The following UGT1A9 variants were observed in gnomAD, a reference collection of about 807,000 sequenced individuals.
UGT1A9 encodes UDP glucuronosyltransferase family 1 member A9.
A neutral mutation model predicts 45.0 loss-of-function variants in UGT1A9; 35 were observed. The ratio of observed to expected loss-of-function variants is 0.78; its 90% confidence interval spans 0.59 to 1.03. The LOEUF is 1.03. UGT1A9 is among the 50% of genes least tolerant of loss of function. The probability of loss-of-function intolerance (pLI) is 0.00; values close to 1 mark genes in which losing one functional copy is unlikely to be tolerated. For synonymous variants in UGT1A9, 278 were observed against 250.6 expected (o/e 1.11, Z -1.03); for missense variants, 687 against 666.6 (o/e 1.03, Z -0.34).
chr2:233,760,282 G>A (rs2125981806), intron 1 of UGT1A9: 1 of 1,612,868 alleles, frequency 6.2e-7, no homozygotes, highest in Non-Finnish European at 8.5e-7. Flanking sequence ...CAGGAGCAAA[G>A]GCGCCATGGC....
At chr2:233,689,293 C>T (rs1488483516) in intron 1 of UGT1A9, among the ~76,000 whole-genome samples, 5 of 151,458 alleles carry the variant, frequency 3.3e-5, no homozygotes, top group South Asian at 2.1e-4. Flanking sequence ...GGGGTTCACT[C>T]ACCCAGCACA....
At chr2:233,713,084 G>A in intron 1 of UGT1A9, 1 of 1,614,196 alleles carries the variant, frequency 6.2e-7, no homozygotes, top group African/African-American at 1.3e-5. Context: ...GTGGGAAGGT[G>A]CTGGTGGTGC....
intron 1 of UGT1A9, among the ~76,000 whole-genome samples, chr2:233,680,889 C>G (rs1489073213): frequency 3.3e-5 from 5 of 151,924 alleles, no homozygotes; most frequent in Admixed American, 3.3e-4. Context: ...GGGACGGCGA[C>G]TCACCACTGC....
chr2:233,739,438 T>G (rs1285921869), intron 1 of UGT1A9, among the ~76,000 whole-genome samples: 1 of 152,226 alleles, frequency 6.6e-6, no homozygotes, highest in Non-Finnish European at 1.5e-5. Context: ...GGCTTTACCC[T>G]GCAAAGCCAC....
intron 1 of UGT1A9, chr2:233,690,539 A>G (rs1032041279): frequency 1.6e-6 from 2 of 1,289,530 alleles, no homozygotes; most frequent in Admixed American, 4.6e-5. Context: ...CTTTCACCCC[A>G]CTGGAATATG....
chr2:233,733,069 G>A (rs899757131), intron 1 of UGT1A9, among the ~76,000 whole-genome samples: 2 of 152,108 alleles, frequency 1.3e-5, no homozygotes, highest in African/African-American at 4.8e-5. Context: ...TCTCTTTGTA[G>A]CAATTGTGAA....
intron 1 of UGT1A9, chr2:233,713,349 A>G (rs774630378): frequency 5.5e-5 from 88 of 1,614,072 alleles, no homozygotes; most frequent in East Asian, 4.5e-5. Context: ...TATGAACAAT[A>G]TGTCTTTGAT....
At chr2:233,742,268 G>C (rs1474936757) in intron 1 of UGT1A9, among the ~76,000 whole-genome samples, 3 of 152,000 alleles carry the variant, frequency 2.0e-5, no homozygotes, top group African/African-American at 7.3e-5. Flanking sequence ...CAGCAAGCCT[G>C]TGATAAGCAT....
chr2:233,694,449 C>T (rs182709134), intron 1 of UGT1A9, among the ~76,000 whole-genome samples: 1 of 152,296 alleles, frequency 6.6e-6, no homozygotes. Context: ...TACTGACTGG[C>T]CTTTTCAGCA....
rs974078775 is a variant in UGT1A9, at chr2:233,743,284, C to A, written c.856-23750C>A. 1.2e-4 allele frequency: 61 copies of A among 507,042 alleles called. 3 individuals are homozygous for A. The highest frequency in any genetic ancestry group is 1.0e-3 in the African/African-American group (49 of 48,728). 31.4% of individuals were successfully genotyped at this position (507,042 alleles called of 1,614,324 possible). A position where few individuals can be genotyped will look rare whatever the true frequency, so the allele number is the denominator to read the frequency against. On this transcript the variant is annotated intron_variant, in intron 1 of 4. Transcript: ENST00000354728. ...TTCCTCCACTTCCACCCTTTCTTGG[C>A]CATTCTCAATGATTCTCTTGGTGGT...
At chr2:233,709,423 C>G (rs937009532) in intron 1 of UGT1A9, among the ~76,000 whole-genome samples, 2 of 152,056 alleles carry the variant, frequency 1.3e-5, no homozygotes, top group African/African-American at 4.8e-5. Context: ...TAAGAATGTC[C>G]TCCAGAAAGG....
At chr2:233,706,530 A>G (rs921151906) in intron 1 of UGT1A9, among the ~76,000 whole-genome samples, 13 of 152,210 alleles carry the variant, frequency 8.5e-5, no homozygotes, top group African/African-American at 2.9e-4. Context: ...GCGGCTTAGA[A>G]ACACAGCTTT....
chr2:233,689,586 A>G (rs2074950565), intron 1 of UGT1A9, among the ~76,000 whole-genome samples: 1 of 152,230 alleles, frequency 6.6e-6, no homozygotes, highest in Non-Finnish European at 1.5e-5. Flanking sequence ...CAATTAGCTA[A>G]GGAAGAGAAG....
intron 1 of UGT1A9, among the ~76,000 whole-genome samples, chr2:233,704,412 T>C (rs965264782): frequency 1.8e-4 from 28 of 152,182 alleles, no homozygotes; most frequent in African/African-American, 6.5e-4. Context: ...TTCAGATTTA[T>C]ACCAACTTAA....
chr2:233,690,756 GACATACACACAC>G (rs1356339532), intron 1 of UGT1A9: 2 of 1,079,164 alleles, frequency 1.9e-6, no homozygotes, highest in African/African-American at 4.9e-5. Flanking sequence ...GTCCAGTGCA[GACATACACACAC>G]ACACACATAC....
Position 233,672,546 on chromosome 2 carries a change from G to A in UGT1A9, c.612G>A (p.Lys204=). The change falls in exon 1 of 5, where the codon AAG becomes AAA. Residue 204 remains lysine (K), a synonymous_variant. Transcript: ENST00000354728. ...LLGFSDAMTF[K]ERVRNHIMHL... ...GGTTCTCAGATGCCATGACTTTCAA[G>A]GAGAGAGTACGGAACCACATCATGC... 1 of 1,613,920 alleles carries A rather than the reference G, an allele frequency of 6.2e-7. No individual in the cohort carries two copies. The highest frequency in any genetic ancestry group is 8.5e-7 in the Non-Finnish European group (1 of 1,179,862).
chr2:233,744,039 G>T, intron 1 of UGT1A9: 2 of 770,652 alleles, frequency 2.6e-6, no homozygotes, highest in Non-Finnish European at 3.6e-6. Context: ...TTATGACGCA[G>T]CCACATCTCA....
chr2:233,682,111 C>T (rs1559339332), intron 1 of UGT1A9: 1 of 1,614,196 alleles, frequency 6.2e-7, no homozygotes, highest in Non-Finnish European at 8.5e-7. Flanking sequence ...TGGTCGTAGT[C>T]ATGCCAGAGG....
intron 1 of UGT1A9, chr2:233,729,538 A>G: frequency 6.2e-7 from 1 of 1,614,196 alleles, no homozygotes; most frequent in Non-Finnish European, 8.5e-7. Context: ...TGAGGCCCTG[A>G]TCAGGCACCT....
Sources: gnomAD v4.1 joint callset for allele counts (sites outside exome capture counted in the v4.1 genomes callset) on GRCh38, gnomAD v4.1.1 for gene constraint, MANE v1.5 for transcripts, NCBI Gene and HGNC (gene_info 2026-07-23, HGNC 2026-07-21) for gene names.